The following TENM2 variants were observed in gnomAD, a reference collection of about 807,000 sequenced individuals.
TENM2 encodes teneurin transmembrane protein 2.
A neutral mutation model predicts 245.2 loss-of-function variants in TENM2; 52 were observed. The observed-to-expected ratio is 0.21, with a 90% CI of 0.17 to 0.27. The LOEUF (loss-of-function observed/expected upper bound fraction) is 0.27, where lower values mean the gene tolerates loss of function less well. Among genes scored for constraint, TENM2 ranks in the 10% least tolerant of loss-of-function variants. The pLI, the probability that TENM2 is intolerant of heterozygous loss-of-function variation, is 1.00. For synonymous variants in TENM2, 1,363 were observed against 1,438.9 expected, an observed-to-expected ratio of 0.95 and a Z score of 1.19; for missense variants, 3,046 against 3,666.8, an observed-to-expected ratio of 0.83 and a Z score of 4.37.
intron 1 of TENM2, among the ~76,000 whole-genome samples, chr5:167,360,512 T>G (rs983034994): frequency 6.6e-6 from 1 of 152,170 alleles, no homozygotes; most frequent in Non-Finnish European, 1.5e-5. Context: ...AGCTCCCATA[T>G]GGTAGGCTGT....
the TENM2 span, among the ~76,000 whole-genome samples, chr5:167,194,813 T>A: frequency 6.6e-6 from 1 of 152,056 alleles, no homozygotes; most frequent in South Asian, 2.1e-4. Context: ...TCATTAATCC[T>A]CACAAAACCT....
chr5:167,774,349 A>G (rs1392412369), intron 2 of TENM2, among the ~76,000 whole-genome samples: 1 of 152,226 alleles, frequency 6.6e-6, no homozygotes, highest in African/African-American at 2.4e-5. Flanking sequence ...CTATCTGACA[A>G]TGCTCAAGAT....
At chr5:167,443,904 A>G (rs950489544) in intron 2 of TENM2, among the ~76,000 whole-genome samples, 81 of 152,296 alleles carry the variant, frequency 5.3e-4, no homozygotes, top group Admixed American at 1.0e-3. Context: ...ATTTAATGGT[A>G]AGAAATCTGT....
At chr5:167,015,131 G>C in the TENM2 span, among the ~76,000 whole-genome samples, 1 of 152,176 alleles carries the variant, frequency 6.6e-6, no homozygotes, top group South Asian at 2.1e-4. Flanking sequence ...TTTTAACTAT[G>C]GAGTGGATGT....
intron 9 of TENM2, among the ~76,000 whole-genome samples, chr5:168,116,705 A>T (rs1189389188): frequency 3.9e-5 from 6 of 152,214 alleles, no homozygotes; most frequent in Admixed American, 1.3e-4. Flanking sequence ...GAAATTAGAC[A>T]CGCACAGAGG....
intron 5 of TENM2, among the ~76,000 whole-genome samples, chr5:168,040,340 C>A (rs1047518390): frequency 2.6e-5 from 4 of 152,190 alleles, no homozygotes; most frequent in African/African-American, 9.7e-5. Context: ...GGGATTGTAT[C>A]TGCCTCTCAT....
intron 2 of TENM2, among the ~76,000 whole-genome samples, chr5:167,481,957 A>T (rs1437493392): frequency 6.6e-6 from 1 of 152,214 alleles, no homozygotes; most frequent in Non-Finnish European, 1.5e-5. Flanking sequence ...TTTCCTATCT[A>T]GACCTTTACA....
At chr5:167,576,421 A>G (rs1246799149) in intron 2 of TENM2, among the ~76,000 whole-genome samples, 1 of 151,980 alleles carries the variant, frequency 6.6e-6, no homozygotes, top group Non-Finnish European at 1.5e-5. Context: ...TGCTGATAGC[A>G]TTTTGCATAA....
At chr5:168,146,377 T>C (rs1001784084) in intron 12 of TENM2, among the ~76,000 whole-genome samples, 1 of 152,006 alleles carries the variant, frequency 6.6e-6, no homozygotes, top group South Asian at 2.1e-4. Flanking sequence ...GTAGAAGAGA[T>C]GATAGATTGA....
chr5:167,617,994 T>C (rs988821076), intron 2 of TENM2, among the ~76,000 whole-genome samples: 1 of 152,156 alleles, frequency 6.6e-6, no homozygotes, highest in South Asian at 2.1e-4. Flanking sequence ...TGCTCATTAA[T>C]TGTCATTGCT....
intron 2 of TENM2, among the ~76,000 whole-genome samples, chr5:167,606,621 C>T (rs1007497682): frequency 1.3e-5 from 2 of 151,982 alleles, no homozygotes; most frequent in African/African-American, 4.8e-5. Context: ...GAGGGTAGTT[C>T]CCAACCCCGA....
chr5:167,070,373 C>T, the TENM2 span, among the ~76,000 whole-genome samples: 1 of 149,170 alleles, frequency 6.7e-6, no homozygotes, highest in South Asian at 2.1e-4. Flanking sequence ...TCATGATCCC[C>T]CCATCTTGGC....
At chr5:167,987,758 G>A (rs1187692993) in intron 4 of TENM2, among the ~76,000 whole-genome samples, 1 of 152,138 alleles carries the variant, frequency 6.6e-6, no homozygotes, top group Non-Finnish European at 1.5e-5. Context: ...TCACTTGAGT[G>A]CTGTGTTAAA....
intron 7 of TENM2, among the ~76,000 whole-genome samples, chr5:168,089,787 A>G (rs192759207): frequency 6.6e-6 from 1 of 152,332 alleles, no homozygotes; most frequent in Admixed American, 6.5e-5. Flanking sequence ...GGGTTTCTTC[A>G]AGAATTGAAT....
At chr5:167,120,764 A>G in the TENM2 span, among the ~76,000 whole-genome samples, 10 of 152,216 alleles carry the variant, frequency 6.6e-5, no homozygotes, top group Non-Finnish European at 1.3e-4. Flanking sequence ...AATGAAGTGG[A>G]AGCAGAAAAG....
intron 2 of TENM2, among the ~76,000 whole-genome samples, chr5:167,596,623 C>T (rs1776230465): frequency 6.6e-6 from 1 of 151,958 alleles, no homozygotes; most frequent in Non-Finnish European, 1.5e-5. Context: ...GAAACACCCC[C>T]GTCTGTACTA....
chr5:167,144,502 T>G, the TENM2 span, among the ~76,000 whole-genome samples: 1 of 152,230 alleles, frequency 6.6e-6, no homozygotes, highest in African/African-American at 2.4e-5. Flanking sequence ...GCCTTTAATT[T>G]TTTTTTCTTT....
chr5:167,720,753 T>G (rs1759572437), intron 2 of TENM2, among the ~76,000 whole-genome samples: 1 of 152,124 alleles, frequency 6.6e-6, no homozygotes, highest in Non-Finnish European at 1.5e-5. Flanking sequence ...TAAATAGAGG[T>G]ATTGGACTGA....
chr5:167,528,895 T>C (rs1033701164), intron 2 of TENM2, among the ~76,000 whole-genome samples: 9 of 152,176 alleles, frequency 5.9e-5, no homozygotes, highest in Non-Finnish European at 1.2e-4. Flanking sequence ...GAACTATCTT[T>C]AGGCTTTTTG....
Sources: gnomAD v4.1 joint callset for allele counts (sites outside exome capture counted in the v4.1 genomes callset) on GRCh38, gnomAD v4.1.1 for gene constraint, MANE v1.5 for transcripts, NCBI Gene and HGNC (gene_info 2026-07-23, HGNC 2026-07-21) for gene names.